The following MRE11 variants were observed in gnomAD, a reference collection of about 807,000 sequenced individuals.
The protein encoded by MRE11 is MRE11 double strand break repair nuclease, also known as double-strand break repair protein MRE11.
MRE11 carries 62 observed loss-of-function variants against 91.7 expected under a neutral mutation model. That is an observed-to-expected ratio of 0.68 (90% CI 0.55 to 0.84). The LOEUF is 0.84. MRE11 is among the 40% of genes least tolerant of loss of function. The pLI is 0.00. For missense variants in MRE11, 796 were observed against 852.9 expected (o/e 0.93, Z 0.83); for synonymous variants, 273 against 271.4 (o/e 1.01, Z -0.06).
intron 14 of MRE11, among the ~76,000 whole-genome samples, chr11:94,448,009 A>G (rs1324989877): frequency 6.6e-6 from 1 of 152,150 alleles, no homozygotes; most frequent in African/African-American, 2.4e-5. Flanking sequence ...AAATTTTCAG[A>G]ACTAGAAGGA....
At chr11:94,481,720 T>G (rs952971383) in intron 4 of MRE11, among the ~76,000 whole-genome samples, 2 of 152,224 alleles carry the variant, frequency 1.3e-5, no homozygotes, top group African/African-American at 4.8e-5. Context: ...TTGAGGCTAT[T>G]TCTAGAGTTT....
chr11:94,497,846 T>G (rs575153319), upstream of MRE11: 1 of 462,760 alleles, frequency 2.2e-6, no homozygotes, highest in Non-Finnish European at 3.8e-6. Flanking sequence ...TCAGAGAATC[T>G]CATTCTTAGA....
chr11:94,492,252 C>T (rs1267566585), intron 2 of MRE11, among the ~76,000 whole-genome samples: 1 of 152,140 alleles, frequency 6.6e-6, no homozygotes, highest in Admixed American at 6.5e-5. Flanking sequence ...CCACGCCTGG[C>T]TAATTTTGTA....
At chr11:94,512,357 A>T in the MRE11 span, 1 of 518,036 alleles carries the variant, frequency 1.9e-6, no homozygotes, top group South Asian at 1.0e-4. Context: ...CCCCAGCCCC[A>T]TAACTTCAGC....
chr11:94,466,355 G>A, intron 10 of MRE11: 2 of 346,982 alleles, frequency 5.8e-6, no homozygotes, highest in Non-Finnish European at 1.2e-5. Flanking sequence ...GCAGAGTCCT[G>A]GTAGGAGGCT....
In MRE11 at chr11:94,419,468, GAGAGAGAGAGA is replaced by G. The variant is rs1945113072; in HGVS notation, c.*646_*656del. The G allele has an allele frequency of 2.0e-5, 4 of 204,932 alleles. No homozygotes were observed. Among genetic ancestry groups the G allele is most frequent in the Non-Finnish European group, 3.9e-5 (4 of 102,390 alleles). The allele number at this position is 204,932 out of a possible 1,614,324, so 12.7% of individuals were successfully genotyped here. A position where few individuals can be genotyped will look rare whatever the true frequency, so the allele number is the denominator to read the frequency against. Reference sequence around the variant, plus strand: ...GAGTGGGGAACGGGGGGGAGAGGGAGAGAGAGAGAGAGAGAGAGAGAGAGAGAACACCATTA... The same window carrying G: ...GAGTGGGGAACGGGGGGGAGAGGGAGGAGAGAGAGAGAGAGAACACCATTA... On this transcript the variant is annotated 3_prime_UTR_variant, in exon 20 of 20. Transcript: ENST00000323929.
intron 18 of MRE11, among the ~76,000 whole-genome samples, chr11:94,433,520 TCTCA>T (rs1945520124): frequency 6.6e-6 from 1 of 152,216 alleles, no homozygotes; most frequent in South Asian, 2.1e-4. Flanking sequence ...CCCTACCAAA[TCTCA>T]TCTTGAATTG....
chr11:94,434,271 C>T (rs1458152264), intron 18 of MRE11, among the ~76,000 whole-genome samples: 1 of 152,124 alleles, frequency 6.6e-6, no homozygotes, highest in Non-Finnish European at 1.5e-5. Flanking sequence ...CTTGCTCTAA[C>T]ATTAACCTTT....
At chr11:94,431,742 G>A (rs1015029363) in intron 18 of MRE11, among the ~76,000 whole-genome samples, 2 of 152,168 alleles carry the variant, frequency 1.3e-5, no homozygotes, top group South Asian at 2.1e-4. Flanking sequence ...TGAGCACCAC[G>A]CAAGCTAATT....
chr11:94,479,502 A>AT (rs1233265407), intron 5 of MRE11, among the ~76,000 whole-genome samples, 172 bp downstream of exon 5: 7 of 152,218 alleles, frequency 4.6e-5, no homozygotes, highest in Non-Finnish European at 7.4e-5. Context: ...CTTATTTCAG[A>AT]TTTTTAAAAA....
intron 11 of MRE11, among the ~76,000 whole-genome samples, chr11:94,463,258 G>C (rs180793190): frequency 6.6e-6 from 1 of 152,070 alleles, no homozygotes; most frequent in East Asian, 1.9e-4. Context: ...TTAGAATGGC[G>C]ATCATTAAAA....
At chr11:94,486,390 G>A (rs574719072) in intron 3 of MRE11, among the ~76,000 whole-genome samples, 3 of 152,240 alleles carry the variant, frequency 2.0e-5, no homozygotes, top group Non-Finnish European at 4.4e-5. Context: ...TTAACAGAAC[G>A]TATGGGAAGA....
chr11:94,454,612 A>G (rs1422088520), intron 14 of MRE11, among the ~76,000 whole-genome samples: 1 of 152,192 alleles, frequency 6.6e-6, no homozygotes, highest in Non-Finnish European at 1.5e-5. Context: ...AGGAAGCCCC[A>G]ATTACATTTT....
upstream of MRE11, chr11:94,496,520 T>G: frequency 1.7e-6 from 1 of 582,424 alleles, no homozygotes. Context: ...AGGGTTTAAT[T>G]GTATATGTTT....
At chr11:94,439,693 T>A (rs1945721942) in intron 16 of MRE11, among the ~76,000 whole-genome samples, 1 of 152,236 alleles carries the variant, frequency 6.6e-6, no homozygotes, top group Non-Finnish European at 1.5e-5. Flanking sequence ...GCCTGATACT[T>A]CACATGCATT....
At chr11:94,433,219 C>T (rs79567848) in intron 18 of MRE11, among the ~76,000 whole-genome samples, 5,302 of 152,312 alleles carry the variant, frequency 0.035, 125 homozygotes, top group Middle Eastern at 0.075. Context: ...GCAGCACCCT[C>T]CTTTCAGATA....
chr11:94,433,612 T>C (rs1432237259), intron 18 of MRE11, among the ~76,000 whole-genome samples: 2 of 152,224 alleles, frequency 1.3e-5, no homozygotes, highest in Non-Finnish European at 2.9e-5. Context: ...TCCCCCATAC[T>C]AATCTCGTGG....
chr11:94,503,687 C>A, the MRE11 span, among the ~76,000 whole-genome samples: 1 of 148,306 alleles, frequency 6.7e-6, no homozygotes, highest in African/African-American at 2.6e-5. Flanking sequence ...CAGAGTGAGA[C>A]TCCGTGTCAA....
At chr11:94,447,798 T>G (rs541788667) in intron 14 of MRE11, among the ~76,000 whole-genome samples, 1 of 151,952 alleles carries the variant, frequency 6.6e-6, no homozygotes, top group East Asian at 1.9e-4. Context: ...ATCACACCAC[T>G]GCACTCCAGC....
Sources: allele counts gnomAD v4.1 joint callset (sites outside exome capture counted in the v4.1 genomes callset), GRCh38; gene constraint gnomAD v4.1.1; transcripts MANE v1.5; gene names NCBI Gene and HGNC (gene_info 2026-07-23, HGNC 2026-07-21).